Variants in XRRA1 observed in about 807,000 individuals in gnomAD.
XRRA1 encodes the protein X-ray radiation resistance associated 1, also known as X-ray radiation resistance-associated protein 1.
XRRA1 carries 69 observed loss-of-function variants against 80.2 expected under a neutral mutation model. The ratio of observed to expected loss-of-function variants is 0.86; its 90% CI spans 0.71 to 1.05. XRRA1 has a LOEUF of 1.05. Ranked by LOEUF, XRRA1 falls within the 50% of genes least tolerant of loss-of-function variation. The pLI, the probability that XRRA1 is intolerant of heterozygous loss-of-function variation, is 0.00. For missense variants in XRRA1, 967 were observed against 976.4 expected (o/e 0.99, Z 0.13); for synonymous variants, 348 against 389.9 (o/e 0.89, Z 1.27).
intron 7 of XRRA1, among the ~76,000 whole-genome samples, chr11:74,924,429 G>A (rs1379845571): frequency 1.3e-5 from 2 of 150,230 alleles, no homozygotes; most frequent in East Asian, 2.0e-4. Flanking sequence ...AGTCGAGATC[G>A]CGCCACTGCA....
At chr11:74,917,557 T>G (rs1208657317) in intron 8 of XRRA1, among the ~76,000 whole-genome samples, 4 of 152,212 alleles carry the variant, frequency 2.6e-5, no homozygotes, top group African/African-American at 7.2e-5. Context: ...CTTTGATGAT[T>G]TATCTACTAT....
intron 11 of XRRA1, among the ~76,000 whole-genome samples, chr11:74,860,329 C>T (rs368758538): frequency 5.3e-5 from 8 of 152,304 alleles, no homozygotes; most frequent in East Asian, 1.9e-4. Context: ...AACATGGTGG[C>T]GGTCTGATAA....
chr11:74,896,662 C>T lies in XRRA1; in HGVS notation c.1003+9577G>A, dbSNP rs181655153. On this transcript the variant is annotated intron_variant, in intron 10 of 18. Coordinates refer to ENST00000684022, the MANE Select transcript of XRRA1 (RefSeq NM_001378157.1). ...TGTGTTGGCTTCGGGTCTGACACAG[C>T]ACCAGTGGTGGGGGCCACAGGGGTG... is the stretch of plus-strand genomic sequence containing the variant. Among the ~76,000 whole-genome samples, 720 of 152,290 alleles carry T rather than the reference C, an allele frequency of 4.7e-3. 11 individuals are homozygous for T. Among genetic ancestry groups the T allele is most frequent in the African/African-American group, 0.016 (686 of 41,582 alleles).
chr11:74,934,829 T>C (rs1320625522), intron 4 of XRRA1, among the ~76,000 whole-genome samples: 1 of 152,138 alleles, frequency 6.6e-6, no homozygotes, highest in Non-Finnish European at 1.5e-5. Context: ...ATAGTAATTT[T>C]ATAAAAATTG....
At chr11:74,869,329 TAGAA>T (rs2044230521) in intron 10 of XRRA1, among the ~76,000 whole-genome samples, 1 of 151,914 alleles carries the variant, frequency 6.6e-6, no homozygotes, top group African/African-American at 2.4e-5. Context: ...ATACAGGAGG[TAGAA>T]AGAAATTATT....
chr11:74,889,883 G>A (rs2050175787), intron 10 of XRRA1, among the ~76,000 whole-genome samples: 1 of 152,170 alleles, frequency 6.6e-6, no homozygotes, highest in Non-Finnish European at 1.5e-5. Context: ...CAATACAGGA[G>A]CACCCAGATT....
chr11:74,919,834 C>A, intron 8 of XRRA1: 1 of 413,156 alleles, frequency 2.4e-6, no homozygotes. Flanking sequence ...TGTCCCATGC[C>A]GAATCCATGT....
At chr11:74,931,251 G>A (rs2139444330) in intron 5 of XRRA1, among the ~76,000 whole-genome samples, 1 of 151,586 alleles carries the variant, frequency 6.6e-6, no homozygotes. Flanking sequence ...ACTCAACACT[G>A]TTTTTGAGAA....
chr11:74,927,097 C>A (rs1942418104), intron 7 of XRRA1, among the ~76,000 whole-genome samples: 1 of 152,144 alleles, frequency 6.6e-6, no homozygotes, highest in Non-Finnish European at 1.5e-5. Flanking sequence ...ACTCACTTTT[C>A]TGCACAGACT....
In XRRA1 at chr11:74,906,343, T is replaced by C. The variant is rs765667336; in HGVS notation, c.899A>G (p.Lys300Arg). ...GGACTGCAGCATGAATTGGGGCTCTTTATGGGGACTTCCCCTGCCTCCATT... is the reference window on the plus strand; with the variant it reads ...GGACTGCAGCATGAATTGGGGCTCTCTATGGGGACTTCCCCTGCCTCCATT... ...DWNGGRGSPH[K>R]EPQFMLQSKP... Residue 300 changes from lysine (K) to arginine (R), a missense_variant, in exon 10 of 19, where the codon AAA becomes AGA. Lys to Arg is a conservative substitution (Grantham distance 26, BLOSUM62 2). Coordinates refer to ENST00000684022, the MANE Select transcript of XRRA1 (RefSeq NM_001378157.1). 2.5e-6 allele frequency: 4 copies of C among 1,613,984 alleles called. No homozygotes were observed. The highest frequency in any genetic ancestry group is 3.3e-4 in the Middle Eastern group (2 of 6,058).
intron 10 of XRRA1, among the ~76,000 whole-genome samples, chr11:74,878,666 T>G (rs1401468655): frequency 6.7e-6 from 1 of 149,036 alleles, no homozygotes; most frequent in Non-Finnish European, 1.5e-5. Flanking sequence ...GGATCCAGTT[T>G]CAGCTTTCTA....
intron 14 of XRRA1, among the ~76,000 whole-genome samples, chr11:74,850,498 T>C (rs758308525): frequency 3.3e-5 from 5 of 152,150 alleles, no homozygotes; most frequent in Non-Finnish European, 5.9e-5. Context: ...ACTTTTGGGA[T>C]CAGCAATGCT....
At chr11:74,864,195 A>G (rs2042905286) in intron 10 of XRRA1, 1 of 152,346 alleles carries the variant, frequency 6.6e-6, no homozygotes, top group South Asian at 2.1e-4. Flanking sequence ...CACTCCTGAA[A>G]CAAAAGCAGA....
intron 8 of XRRA1, among the ~76,000 whole-genome samples, chr11:74,915,945 A>G (rs910919736): frequency 1.3e-5 from 2 of 152,028 alleles, no homozygotes; most frequent in Non-Finnish European, 2.9e-5. Flanking sequence ...AGGATTCCTG[A>G]TTGACAGGTT....
At chr11:74,908,855 G>T (rs1391043640) in intron 8 of XRRA1, among the ~76,000 whole-genome samples, 3 of 152,194 alleles carry the variant, frequency 2.0e-5, no homozygotes, top group Non-Finnish European at 4.4e-5. Context: ...GGCTGGATCT[G>T]TAACATAATT....
rs1481560775 is a variant in XRRA1 at position 74,848,334 on chromosome 11, A to G, written c.1509T>C (p.Thr503=). Residue 503 remains threonine, a synonymous_variant, in exon 15 of 19, where the codon ACT becomes ACC. Transcript: ENST00000684022. ...CTGACTCCACAGAAGTGCTTTTGGT[A>G]GTGGGCAGATCTTCAGCCAGCTCTG... is the stretch of plus-strand genomic sequence containing the variant. ...PEAELAEDLP[T]TKSTSVESEM... The G allele has an allele frequency of 1.2e-6, 2 of 1,613,930 alleles. No individual in the cohort carries two copies. Among genetic ancestry groups the G allele is most frequent in the Non-Finnish European group, 1.7e-6 (2 of 1,179,846 alleles).
At chr11:74,943,392 A>G (rs1420074094) in intron 2 of XRRA1, among the ~76,000 whole-genome samples, 1 of 152,190 alleles carries the variant, frequency 6.6e-6, no homozygotes, top group Non-Finnish European at 1.5e-5. Context: ...CAGATTGTTC[A>G]CCACAGTCTG....
intron 8 of XRRA1, among the ~76,000 whole-genome samples, chr11:74,914,275 C>T (rs1221231325): frequency 2.6e-5 from 4 of 151,828 alleles, no homozygotes; most frequent in South Asian, 2.1e-4. Context: ...CGTGAGCCAC[C>T]GTGCCCATCC....
At chr11:74,903,229 G>T (rs1004757590) in intron 10 of XRRA1, among the ~76,000 whole-genome samples, 7 of 152,106 alleles carry the variant, frequency 4.6e-5, no homozygotes, top group Non-Finnish European at 1.0e-4. Context: ...TCCCACTTCT[G>T]GGTAAATACT....
Sources: allele counts gnomAD v4.1 joint callset (sites outside exome capture counted in the v4.1 genomes callset), GRCh38; gene constraint gnomAD v4.1.1; transcripts MANE v1.5; gene names NCBI Gene and HGNC (gene_info 2026-07-23, HGNC 2026-07-21).